The following CCR2 variants were observed in gnomAD, a reference collection of about 807,000 sequenced individuals.
CCR2 encodes C-C motif chemokine receptor 2.
For synonymous variants in CCR2, 183 were observed against 177.1 expected, an observed-to-expected ratio of 1.03 and a Z score of -0.27; for missense variants, 408 against 440.0, an observed-to-expected ratio of 0.93 and a Z score of 0.65.
Position 46,358,113 on chromosome 3 carries a change from C to G in CCR2, c.586C>G (p.Arg196Gly). Residue 196 changes from arginine to glycine, a missense_variant, in exon 2 of 2, where the codon CGA (arginine) becomes GGA (glycine). By Grantham distance (125) the Arg-to-Gly change is moderately radical. Transcript: ENST00000445132. ...TTATGTCTGTGGCCCTTATTTTCCA[C>G]GAGGATGGAATAATTTCCACACAAT... ...SVYVCGPYFP[R>G]GWNNFHTIMR... 1 of 1,614,080 alleles carries G rather than the reference C, an allele frequency of 6.2e-7. No homozygotes were observed. Among genetic ancestry groups the G allele is most frequent in the Non-Finnish European group, 8.5e-7 (1 of 1,180,000 alleles).
At position 46,359,299 on chromosome 3, in the gene CCR2, T is replaced by C. The variant is rs1373101365; in HGVS notation, c.*689T>C. On this transcript the variant is annotated 3_prime_UTR_variant, in exon 2 of 2. Coordinates refer to ENST00000445132, the MANE Select transcript of CCR2 (RefSeq NM_001123396.4). The stretch of plus-strand genomic sequence containing the variant: ...CACCTTACATTTGAAATCTATGAAA[T>C]ATCATGCTCCATTGTTCAGATGCTT... 1 of 1,013,886 alleles carries C rather than the reference T, an allele frequency of 9.9e-7. No individual in the cohort carries two copies. The highest frequency in any genetic ancestry group is 1.2e-6 in the Non-Finnish European group (1 of 839,438). 62.8% of individuals were successfully genotyped at this position (1,013,886 alleles called of 1,614,324 possible). A position where few individuals can be genotyped will look rare whatever the true frequency, so the allele number is the denominator to read the frequency against.
intron 1 of CCR2, among the ~76,000 whole-genome samples, chr3:46,356,591 T>C (rs889288381): frequency 6.6e-6 from 1 of 152,154 alleles, no homozygotes; most frequent in Non-Finnish European, 1.5e-5. Context: ...GAGAGAATCA[T>C]CAGTTAGAAC....
rs1701522476 is a variant in CCR2, at chr3:46,359,925, A to T, written c.*1315A>T. ...CTGGCTTCACAGATGTGTGATTCAC[A>T]GTGTGAATCTTGGTGTCTACGTTAC... On this transcript the variant is annotated 3_prime_UTR_variant, in exon 2 of 2. Transcript: ENST00000445132. 5 of 1,495,494 alleles carry T rather than the reference A, an allele frequency of 3.3e-6. No individual in the cohort carries two copies. The highest frequency in any genetic ancestry group is 1.9e-5 in the Admixed American group (1 of 52,602). 92.6% of individuals were successfully genotyped at this position (1,495,494 alleles called of 1,614,324 possible).
At chr3:46,355,162 G>C (rs759202280) in intron 1 of CCR2, among the ~76,000 whole-genome samples, 5 of 152,190 alleles carry the variant, frequency 3.3e-5, no homozygotes, top group Non-Finnish European at 7.3e-5. Context: ...GGAACATGCT[G>C]TGTGTAGCAG....
chr3:46,357,169 G>A (rs1483256958), intron 1 of CCR2, among the ~76,000 whole-genome samples: 1 of 152,204 alleles, frequency 6.6e-6, no homozygotes, highest in Non-Finnish European at 1.5e-5. Flanking sequence ...CCAGCAATGA[G>A]TCACAGACCT....
chr3:46,357,398 A>T (rs375553715), intron 1 of CCR2, 79 bp from the exon 2 acceptor site: 1 of 968,410 alleles, frequency 1.0e-6, no homozygotes, highest in Admixed American at 2.4e-5. Context: ...GAAGTTGCTT[A>T]TGTGGTGCCA....
Position 46,358,343 on chromosome 3 carries a change from C to T in CCR2, c.816C>T (p.Phe272=), listed in dbSNP as rs758746375. 21 of 1,614,074 alleles carry T rather than the reference C, an allele frequency of 1.3e-5. No homozygotes were observed. Among genetic ancestry groups the T allele is most frequent in the African/African-American group, 2.7e-5 (2 of 74,924 alleles). The change falls in exon 2 of 2, where the codon TTC becomes TTT. Residue 272 remains phenylalanine (F), a synonymous_variant. Coordinates refer to ENST00000445132, the MANE Select transcript of CCR2 (RefSeq NM_001123396.4). Reference sequence around the variant, plus strand: ...TCCTGAACACCTTCCAGGAATTCTTCGGCCTGAGTAACTGTGAAAGCACCA... The same window carrying T: ...TCCTGAACACCTTCCAGGAATTCTTTGGCCTGAGTAACTGTGAAAGCACCA... ...VILLNTFQEF[F]GLSNCESTSQ... is the part of the protein sequence containing the mutation.
In CCR2 at chr3:46,359,215, C is replaced by G. The variant is rs113609612; in HGVS notation, c.*605C>G. On this transcript the variant is annotated 3_prime_UTR_variant, in exon 2 of 2. Coordinates refer to ENST00000445132, the MANE Select transcript of CCR2 (RefSeq NM_001123396.4). ...AGTTTTGGTGGAGTCCGATGATTCT[C>G]TTTTGCATAAGTGCATGACATATTT... 1.0e-6 allele frequency: 1 copy of G among 1,004,858 alleles called. No homozygotes were observed. Among genetic ancestry groups the G allele is most frequent in the African/African-American group, 1.7e-5 (1 of 57,402 alleles). The allele number at this position is 1,004,858 out of a possible 1,614,324, so 62.2% of individuals were successfully genotyped here.
intron 1 of CCR2, among the ~76,000 whole-genome samples, chr3:46,355,169 G>A (rs771670021): frequency 1.4e-4 from 22 of 152,182 alleles, no homozygotes; most frequent in Non-Finnish European, 2.8e-4. Flanking sequence ...GCTGTGTGTA[G>A]CAGATAACAT....
At position 46,359,249 on chromosome 3, in the gene CCR2, T is replaced by C; in HGVS notation, c.*639T>C. On this transcript the variant is annotated 3_prime_UTR_variant, in exon 2 of 2. Coordinates refer to ENST00000445132, the MANE Select transcript of CCR2 (RefSeq NM_001123396.4). ...AAGTGCATGACATATTTTTGCTTTA[T>C]TACAGTTTATCTATGGCACCCATGC... 9.9e-7 allele frequency: 1 copy of C among 1,006,250 alleles called. No homozygotes were observed. Among genetic ancestry groups the C allele is most frequent in the Non-Finnish European group, 1.2e-6 (1 of 834,026 alleles). 62.3% of individuals were successfully genotyped at this position (1,006,250 alleles called of 1,614,324 possible). A position where few individuals can be genotyped will look rare whatever the true frequency, so the allele number is the denominator to read the frequency against.
chr3:46,359,051 T>A lies in CCR2; in HGVS notation c.*441T>A. 2.0e-6 allele frequency: 2 copies of A among 1,017,870 alleles called. No individual in the cohort carries two copies. Among genetic ancestry groups the A allele is most frequent in the East Asian group, 1.0e-4 (1 of 9,778 alleles). 63.1% of individuals were successfully genotyped at this position (1,017,870 alleles called of 1,614,324 possible). On this transcript the variant is annotated 3_prime_UTR_variant, in exon 2 of 2. Transcript: ENST00000445132. ...AGGGAGACATGAGCATGGCTGAGCCTGGACAAAGACAAAGGTGAGCAAAGG... is the reference window on the plus strand; with the variant it reads ...AGGGAGACATGAGCATGGCTGAGCCAGGACAAAGACAAAGGTGAGCAAAGG...
rs892345680 is a variant in CCR2, at chr3:46,360,825, A to G, written c.*2215A>G. On this transcript the variant is annotated 3_prime_UTR_variant, in exon 2 of 2. Transcript: ENST00000445132. ...CACCTTCATATATTTGTATGATCCT[A>G]ATGAATGCATAAAATGTTAAGTTGA... The G allele has an allele frequency of 1.4e-4, 21 of 152,366 alleles. 1 individual carries two copies. In the Middle Eastern group the frequency reaches 0.01, roughly 74 times the overall value. 9.4% of individuals were successfully genotyped at this position (152,366 alleles called of 1,614,324 possible). A position where few individuals can be genotyped will look rare whatever the true frequency, so the allele number is the denominator to read the frequency against.
In CCR2 at chr3:46,359,384, A is replaced by G. The variant is rs778700046; in HGVS notation, c.*774A>G. The G allele has an allele frequency of 1.7e-5, 18 of 1,068,908 alleles. No homozygotes were observed. Among genetic ancestry groups the G allele is most frequent in the Admixed American group, 9.7e-5 (2 of 20,560 alleles). The allele number at this position is 1,068,908 out of a possible 1,614,324, so 66.2% of individuals were successfully genotyped here. A position where few individuals can be genotyped will look rare whatever the true frequency, so the allele number is the denominator to read the frequency against. The stretch of plus-strand genomic sequence containing the variant: ...AATTTTTGTTTATAAAAGATGCATT[A>G]TCTATGATATGCTAATATATGTATA... On this transcript the variant is annotated 3_prime_UTR_variant, in exon 2 of 2. Coordinates refer to ENST00000445132, the MANE Select transcript of CCR2 (RefSeq NM_001123396.4).
Position 46,357,989 on chromosome 3 carries a change from C to T in CCR2, c.462C>T (p.Val154=). 6.2e-7 allele frequency: 1 copy of T among 1,614,184 alleles called. No homozygotes were observed. Among genetic ancestry groups the T allele is most frequent in the Non-Finnish European group, 8.5e-7 (1 of 1,180,020 alleles). Residue 154 remains valine, a synonymous_variant, in exon 2 of 2, where the codon GTC becomes GTT. Transcript: ENST00000445132. ...TGTTTGCTTTAAAAGCCAGGACGGTCACCTTTGGGGTGGTGACAAGTGTGA... is the reference window on the plus strand; with the variant it reads ...TGTTTGCTTTAAAAGCCAGGACGGTTACCTTTGGGGTGGTGACAAGTGTGA... ...HAVFALKART[V]TFGVVTSVIT...
In CCR2 at chr3:46,358,444, C is replaced by G; in HGVS notation, c.917C>G (p.Ala306Gly). ...TGCTGCATCAATCCCATCATCTATG[C>G]CTTCGTTGGGGAGAAGTTCAGAAGG... ...THCCINPIIY[A>G]FVGEKFRRYL... The change falls in exon 2 of 2, where the codon GCC (alanine) becomes GGC (glycine). Residue 306 changes from alanine (A) to glycine (G), a missense_variant. Coordinates refer to ENST00000445132, the MANE Select transcript of CCR2 (RefSeq NM_001123396.4). 6.2e-7 allele frequency: 1 copy of G among 1,613,924 alleles called. No homozygotes were observed. The highest frequency in any genetic ancestry group is 8.5e-7 in the Non-Finnish European group (1 of 1,179,970).
At chr3:46,355,274 AG>A (rs1382371198) in intron 1 of CCR2, among the ~76,000 whole-genome samples, 3 of 152,176 alleles carry the variant, frequency 2.0e-5, no homozygotes, top group Non-Finnish European at 4.4e-5. Flanking sequence ...GGATTTGAGC[AG>A]GAGGTATTGA....
At chr3:46,355,279 G>A (rs1701431622) in intron 1 of CCR2, among the ~76,000 whole-genome samples, 1 of 152,148 alleles carries the variant, frequency 6.6e-6, no homozygotes, top group African/African-American at 2.4e-5. Context: ...TGAGCAGGAG[G>A]TATTGAAGGG....
Position 46,357,531 on chromosome 3 carries a change from C to A in CCR2, c.4C>A (p.Leu2Met), listed in dbSNP as rs773632891. The change falls in exon 2 of 2, where the codon CTG becomes ATG. Residue 2 changes from leucine to methionine, a missense_variant. By Grantham distance (15) the Leu-to-Met change is conservative. Coordinates refer to ENST00000445132, the MANE Select transcript of CCR2 (RefSeq NM_001123396.4). ...ATTTCCCCAGTACATCCACAACATG[C>A]TGTCCACATCTCGTTCTCGGTTTAT... Reference protein sequence around the residue: MLSTSRSRFIRN... With the variant: MMSTSRSRFIRN... The A allele has an allele frequency of 3.1e-6, 5 of 1,612,970 alleles. No homozygotes were observed. The highest frequency in any genetic ancestry group is 1.7e-5 in the Admixed American group (1 of 59,996).
At position 46,358,592 on chromosome 3, in the gene CCR2, A is replaced by G. The variant is rs749387814; in HGVS notation, c.1065A>G (p.Glu355=). Residue 355 remains glutamate (E), a synonymous_variant, in exon 2 of 2, where the codon GAA becomes GAG. Coordinates refer to ENST00000445132, the MANE Select transcript of CCR2 (RefSeq NM_001123396.4). ...ACACGCCTTCCACTGGGGAGCAGGA[A>G]GTCTCGGCTGGTTTATAAAACGAGG... The part of the protein sequence containing the change: ...STNTPSTGEQ[E]VSAGL The G allele has an allele frequency of 6.3e-7, 1 of 1,585,502 alleles. No individual in the cohort carries two copies. Among genetic ancestry groups the G allele is most frequent in the South Asian group, 1.1e-5 (1 of 88,132 alleles).
Sources: gnomAD v4.1 joint callset for allele counts (sites outside exome capture counted in the v4.1 genomes callset) on GRCh38, gnomAD v4.1.1 for gene constraint, MANE v1.5 for transcripts, NCBI Gene and HGNC (gene_info 2026-07-23, HGNC 2026-07-21) for gene names.